CPNE7: variants seen among roughly 807,000 people sequenced by gnomAD.
The protein encoded by CPNE7 is copine-7.
In CPNE7, 78 loss-of-function variants were observed where a neutral mutation model predicts 66.5. The observed-to-expected ratio is 1.17, with a 90% CI of 0.98 to 1.42. The LOEUF (loss-of-function observed/expected upper bound fraction) is 1.42. CPNE7 is among the 40% of genes most tolerant of loss of function. The pLI is 0.00. For missense variants in CPNE7, 1,012 were observed against 776.6 expected (o/e 1.30, Z -3.60); for synonymous variants, 468 against 336.7 (o/e 1.39, Z -4.27).
At chr16:89,590,603 T>C (rs143233556) in intron 11 of CPNE7, among the ~76,000 whole-genome samples, 145 of 151,506 alleles carry the variant, frequency 9.6e-4, no homozygotes, top group Non-Finnish European at 1.8e-3. Context: ...TATTGGCTAA[T>C]GTAAGCCTCA....
chr16:89,580,992 CCCA>C (rs1448734595), intron 2 of CPNE7, among the ~76,000 whole-genome samples: 11 of 148,944 alleles, frequency 7.4e-5, no homozygotes, highest in Non-Finnish European at 1.5e-4. Flanking sequence ...CACGGAACAT[CCCA>C]TCACCTGTCA....
rs371577272 is a variant in CPNE7 at position 89,595,409 on chromosome 16, G to A, written c.1345G>A (p.Asp449Asn). The change falls in exon 14 of 15, where the codon GAC (aspartate) becomes AAC (asparagine). Residue 449 changes from aspartate to asparagine, a missense_variant. By Grantham distance (23) the Asp-to-Asn change is conservative. Coordinates refer to ENST00000319518, the MANE Select transcript of CPNE7 (RefSeq NM_153636.3). Reference protein sequence around the residue: ...LLILTDGVVTDMADTREAIVR... With the variant: ...LLILTDGVVTNMADTREAIVR... ...GATCCTGACGGACGGCGTGGTGACC[G>A]ACATGGCCGACACACGGGAGGCCAT... 7 of 1,598,614 alleles carry A rather than the reference G, an allele frequency of 4.4e-6. No individual in the cohort carries two copies. Among genetic ancestry groups the A allele is most frequent in the African/African-American group, 1.3e-5 (1 of 74,676 alleles).
chr16:89,595,975 C>T (rs1254911463), intron 14 of CPNE7: 6 of 503,986 alleles, frequency 1.2e-5, no homozygotes, highest in East Asian at 5.4e-5. Flanking sequence ...AGGTTCTACC[C>T]GGTGAGACGC....
intron 13 of CPNE7, among the ~76,000 whole-genome samples, chr16:89,594,571 T>C (rs2059222938): frequency 6.6e-6 from 1 of 151,752 alleles, no homozygotes; most frequent in African/African-American, 2.4e-5. Context: ...TTGTCCACAG[T>C]TTGGGCAAGA....
chr16:89,577,480 G>A lies in CPNE7; in HGVS notation c.175-59G>A, dbSNP rs2058877915. The A allele has an allele frequency of 6.6e-6, 10 of 1,519,090 alleles. No individual in the cohort carries two copies. In the Admixed American group the frequency reaches 1.6e-4, roughly 24 times the overall value. 94.1% of individuals were successfully genotyped at this position (1,519,090 alleles called of 1,614,324 possible). The stretch of plus-strand genomic sequence containing the variant: ...GGGTGAGCGGCAGAGGGGAGATGGA[G>A]GTCTGGAGCCCGGGGTGGAAGCCTC... On this transcript the variant is annotated intron_variant, in intron 1 of 14. Coordinates refer to ENST00000319518, the MANE Select transcript of CPNE7 (RefSeq NM_153636.3).
chr16:89,581,543 G>C (rs352936), intron 2 of CPNE7, among the ~76,000 whole-genome samples: 126,887 of 152,280 alleles, frequency 0.83, 53,172 homozygotes, highest in Middle Eastern at 0.9. Flanking sequence ...CGGAGCTGGC[G>C]TGCCATCGAT....
At chr16:89,595,740 T>TC (rs930380685) in intron 14 of CPNE7, 137 bp downstream of exon 14, 11 of 816,246 alleles carry the variant, frequency 1.3e-5, no homozygotes, top group Admixed American at 3.7e-5. Context: ...CCTGGGCTGT[T>TC]CCCCCCAGTC....
chr16:89,591,814 C>G (rs57335442), intron 13 of CPNE7, among the ~76,000 whole-genome samples: 3,211 of 152,086 alleles, frequency 0.021, 117 homozygotes, highest in African/African-American at 0.074. Context: ...CATTCTCCTG[C>G]CTCAGCCTCC....
intron 10 of CPNE7, among the ~76,000 whole-genome samples, chr16:89,589,343 C>T (rs562029493): frequency 1.4e-4 from 22 of 152,296 alleles, no homozygotes; most frequent in African/African-American, 4.6e-4. Flanking sequence ...TGGAGGCTGC[C>T]GCATAGACTC....
At chr16:89,596,445 C>T (rs1485223965) in intron 14 of CPNE7, 39 bp from the exon 15 acceptor site, 15 of 1,574,144 alleles carry the variant, frequency 9.5e-6, no homozygotes, top group African/African-American at 2.7e-5. Context: ...ATCTCCATCT[C>T]GAAGGTCCCA....
At position 89,591,242 on chromosome 16, in the gene CPNE7, G is replaced by C; in HGVS notation, c.1284G>C (p.Glu428Asp). Reference protein sequence around the residue: ...SKVARVAAAEESTGKASQYYI... With the variant: ...SKVARVAAAEDSTGKASQYYI... ...TGGCACGCGTGGCGGCGGCCGAGGA[G>C]AGCACCGGGAAAGCCTCTGTAGGTG... is the stretch of plus-strand genomic sequence containing the variant. The change falls in exon 13 of 15, where the codon GAG (glutamate) becomes GAC (aspartate). Residue 428 changes from glutamate (E) to aspartate (D), a missense_variant. By Grantham distance (45) the Glu-to-Asp change is conservative. Transcript: ENST00000319518. 3 of 1,584,110 alleles carry C rather than the reference G, an allele frequency of 1.9e-6. No individual in the cohort carries two copies. The highest frequency in any genetic ancestry group is 2.6e-6 in the Non-Finnish European group (3 of 1,165,470).
At chr16:89,580,379 G>A (rs113860472) in intron 2 of CPNE7, among the ~76,000 whole-genome samples, 24 of 89,308 alleles carry the variant, frequency 2.7e-4, no homozygotes, top group South Asian at 4.0e-4. Context: ...CCCATCACCC[G>A]TCACATGGAA....
At chr16:89,577,304 G>C (rs1388465566) in intron 1 of CPNE7, among the ~76,000 whole-genome samples, 1 of 152,200 alleles carries the variant, frequency 6.6e-6, no homozygotes. Context: ...TCCTCTGTGA[G>C]CCTCACTTTC....
chr16:89,578,052 C>A lies in CPNE7; in HGVS notation c.357+331C>A, dbSNP rs189309338. On this transcript the variant is annotated intron_variant, in intron 2 of 14. Transcript: ENST00000319518. Reference sequence around the variant, plus strand: ...CAGCCTATCACTTTTCCTCTTTTTTCTTTTTTTTCTTTTTCTTTTTTTTTT... The same window carrying A: ...CAGCCTATCACTTTTCCTCTTTTTTATTTTTTTTCTTTTTCTTTTTTTTTT... Among the ~76,000 whole-genome samples the A allele has an allele frequency of 4.6e-3, 639 of 140,124 alleles. 5 individuals carry two copies. The highest frequency in any genetic ancestry group is 0.015 in the African/African-American group (587 of 38,460). 91.9% of individuals were successfully genotyped at this position (140,124 alleles called of 152,430 possible).
chr16:89,581,723 C>T (rs2058961905), intron 2 of CPNE7, among the ~76,000 whole-genome samples: 2 of 152,220 alleles, frequency 1.3e-5, no homozygotes, highest in Admixed American at 1.3e-4. Context: ...CAGCTCACTG[C>T]AGCCTCAACG....
In CPNE7 at chr16:89,587,953, G is replaced by A. The variant is rs1394751457; in HGVS notation, c.928-722G>A. 1.4e-4 allele frequency among the ~76,000 whole-genome samples: 2 copies of A among 14,152 alleles called. 1 individual carries two copies. The highest frequency in any genetic ancestry group is 4.0e-3 in the South Asian group (2 of 494). 9.3% of individuals were successfully genotyped at this position (14,152 alleles called of 152,430 possible). ...GTCACCCACAGATACACGGCCCCCC[G>A]TGTTACCCACAGATACACGGCCCCC... On this transcript the variant is annotated intron_variant, in intron 9 of 14. Coordinates refer to ENST00000319518, the MANE Select transcript of CPNE7 (RefSeq NM_153636.3).
chr16:89,590,193 A>G (rs1428319111), intron 11 of CPNE7, among the ~76,000 whole-genome samples: 2 of 152,230 alleles, frequency 1.3e-5, no homozygotes, highest in African/African-American at 4.8e-5. Flanking sequence ...GAGATAGGGA[A>G]GGACGTTAGT....
At chr16:89,587,124 A>G (rs572621516) in intron 9 of CPNE7, 22 bp downstream of exon 9, 3 of 1,033,008 alleles carry the variant, frequency 2.9e-6, no homozygotes, top group Non-Finnish European at 3.6e-6. Flanking sequence ...GCCCCGCCCC[A>G]TGCCGCCCCC....
chr16:89,589,996 G>A (rs371654875), intron 11 of CPNE7, 45 bp downstream of exon 11: 11 of 1,606,618 alleles, frequency 6.8e-6, no homozygotes, highest in East Asian at 4.5e-5. Flanking sequence ...TGCCCTTCTC[G>A]TGCCCTCCCA....
Sources: gnomAD v4.1 joint callset for allele counts (sites outside exome capture counted in the v4.1 genomes callset) on GRCh38, gnomAD v4.1.1 for gene constraint, MANE v1.5 for transcripts, NCBI Gene and HGNC (gene_info 2026-07-23, HGNC 2026-07-21) for gene names.